Variants in CAMTA1 observed in about 807,000 individuals in gnomAD.
CAMTA1 encodes the protein calmodulin binding transcription activator 1, also known as calmodulin-binding transcription activator 1.
In CAMTA1, 27 loss-of-function variants were observed where a neutral mutation model predicts 170.9. The ratio of observed to expected loss-of-function variants is 0.16; its 90% confidence interval spans 0.12 to 0.22. The LOEUF is 0.22. Among genes scored for constraint, CAMTA1 ranks in the 10% least tolerant of loss-of-function variants. The pLI is 1.00. For missense variants in CAMTA1, 1,619 were observed against 2,217.2 expected, an observed-to-expected ratio of 0.73 and a Z score of 5.42; for synonymous variants, 833 against 891.5, an observed-to-expected ratio of 0.93 and a Z score of 1.17.
At chr1:7,452,270 G>GGT (rs2149466819) in intron 5 of CAMTA1, among the ~76,000 whole-genome samples, 1 of 152,328 alleles carries the variant, frequency 6.6e-6, no homozygotes, top group Non-Finnish European at 1.5e-5. Context: ...CTGCCAGGAG[G>GGT]GTGTGTGTGC....
At chr1:7,164,437 G>C (rs1026764706) in intron 4 of CAMTA1, among the ~76,000 whole-genome samples, 1 of 152,210 alleles carries the variant, frequency 6.6e-6, no homozygotes, top group Non-Finnish European at 1.5e-5. Context: ...GGGTTTGATG[G>C]GCAGGTGGCT....
At chr1:7,514,832 G>A (rs905188109) in intron 6 of CAMTA1, among the ~76,000 whole-genome samples, 3 of 152,092 alleles carry the variant, frequency 2.0e-5, no homozygotes, top group South Asian at 2.1e-4. Flanking sequence ...CAAGAGGCCC[G>A]CCCCCCACCA....
chr1:7,234,751 C>T lies in CAMTA1; in HGVS notation c.303-14740C>T, dbSNP rs1190268964. ...GACAATTTATGTGAACAAACTGTGG[C>T]TTAACGATCTTGGGAAATTGGAAAA... On this transcript the variant is annotated intron_variant, in intron 4 of 22. Transcript: ENST00000303635. This position sits in a 1 kb window ranked among gnomAD's most constrained non-coding sequence, Gnocchi z 5.0. 4.0e-5 allele frequency among the ~76,000 whole-genome samples: 6 copies of T among 150,546 alleles called. No individual in the cohort carries two copies. Among genetic ancestry groups the T allele is most frequent in the Non-Finnish European group, 7.4e-5 (5 of 67,838 alleles).
rs1200427049 is a variant in CAMTA1 at position 7,738,232 on chromosome 1, A to C, written c.3932A>C (p.Gln1311Pro). The change falls in exon 16 of 23, where the codon CAA (glutamine) becomes CCA (proline). Residue 1311 changes from glutamine (Q) to proline (P), a missense_variant. By Grantham distance (76) the Gln-to-Pro change is moderately conservative. Transcript: ENST00000303635. This position sits in a 1 kb window ranked among gnomAD's most constrained non-coding sequence, Gnocchi z 4.9. Reference sequence around the variant, plus strand: ...CCCACTCCAGAGACTGCAGCATTTCAAGCCTCTGGATCTCAGCCTGTAGGA... The same window carrying C: ...CCCACTCCAGAGACTGCAGCATTTCCAGCCTCTGGATCTCAGCCTGTAGGA... ...SPPTPETAAF[Q>P]ASGSQPVGKW... 6.2e-7 allele frequency: 1 copy of C among 1,614,014 alleles called. No homozygotes were observed. The highest frequency in any genetic ancestry group is 8.5e-7 in the Non-Finnish European group (1 of 1,180,026).
At chr1:7,037,605 C>T (rs945944830) in intron 3 of CAMTA1, among the ~76,000 whole-genome samples, 8 of 151,406 alleles carry the variant, frequency 5.3e-5, no homozygotes, top group African/African-American at 2.0e-4. Context: ...TTTGGAAGGC[C>T]GAGGCAGGCG....
At chr1:7,027,661 GA>G (rs1572536015) in intron 3 of CAMTA1, among the ~76,000 whole-genome samples, 2 of 152,152 alleles carry the variant, frequency 1.3e-5, no homozygotes, top group African/African-American at 4.8e-5. Flanking sequence ...CTGATACACA[GA>G]GGGGGAAAAT....
chr1:7,745,031 A>G lies in CAMTA1; in HGVS notation c.4370+9A>G, dbSNP rs2096847006. The G allele has an allele frequency of 6.2e-7, 1 of 1,606,732 alleles. No homozygotes were observed. The highest frequency in any genetic ancestry group is 1.3e-5 in the African/African-American group (1 of 74,810). The stretch of plus-strand genomic sequence containing the variant: ...AGTGCTGCCCAGATCCGGTGAGTAA[A>G]GTTACGGAGGTCACTACCCAGCATA... On this transcript the variant is annotated intron_variant, in intron 17 of 22. Transcript: ENST00000303635.
chr1:6,785,625 A>G, intron 1 of CAMTA1, 50 bp downstream of exon 1: 1 of 954,008 alleles, frequency 1.0e-6, no homozygotes, highest in Non-Finnish European at 1.2e-6. Flanking sequence ...GGGCGGCGGG[A>G]CCCGGCCCCG....
chr1:7,346,732 C>G (rs1213503877), intron 5 of CAMTA1, among the ~76,000 whole-genome samples: 2 of 152,220 alleles, frequency 1.3e-5, no homozygotes, highest in Non-Finnish European at 2.9e-5. Context: ...GGAGGCGGCC[C>G]TCTCAGTGCT....
chr1:6,997,644 T>G (rs998401640), intron 3 of CAMTA1, among the ~76,000 whole-genome samples: 3 of 139,796 alleles, frequency 2.1e-5, no homozygotes, highest in Non-Finnish European at 4.7e-5. Context: ...TTTTCCATAT[T>G]TCCTTTCTTT....
rs868018905 is a variant in CAMTA1, at chr1:7,044,164, C to T, written c.235-47140C>T. Among the ~76,000 whole-genome samples, 8 of 152,246 alleles carry T rather than the reference C, an allele frequency of 5.3e-5. No individual in the cohort carries two copies. The highest frequency in any genetic ancestry group is 7.3e-5 in the Non-Finnish European group (5 of 68,044). On this transcript the variant is annotated intron_variant, in intron 3 of 22. Transcript: ENST00000303635. The surrounding 1 kb of genome is among the most constrained non-coding windows in gnomAD (Gnocchi z 5.0). ...CACGTGGGTGTCACATATGCACACA[C>T]ATGCATGCACAGCGCATGGCTGGGG...
At chr1:6,952,955 G>A (rs1391539595) in intron 3 of CAMTA1, among the ~76,000 whole-genome samples, 2 of 152,178 alleles carry the variant, frequency 1.3e-5, no homozygotes, top group African/African-American at 4.8e-5. Flanking sequence ...AGGCCACCGT[G>A]GTGGACACTG....
At chr1:7,429,136 G>C (rs1186938769) in intron 5 of CAMTA1, among the ~76,000 whole-genome samples, 1 of 152,054 alleles carries the variant, frequency 6.6e-6, no homozygotes, top group African/African-American at 2.4e-5. Context: ...GTTGCGATTA[G>C]AGCCCCACCA....
chr1:7,751,547 A>G (rs2096897492), intron 20 of CAMTA1, among the ~76,000 whole-genome samples, 155 bp downstream of exon 20: 1 of 152,170 alleles, frequency 6.6e-6, no homozygotes, highest in Non-Finnish European at 1.5e-5. Flanking sequence ...GGTGGCTGAT[A>G]AGTACACCTG....
intron 6 of CAMTA1, among the ~76,000 whole-genome samples, chr1:7,556,857 G>T (rs1397550069): frequency 1.3e-5 from 2 of 152,146 alleles, no homozygotes; most frequent in Non-Finnish European, 2.9e-5. Context: ...ATTCAGTGGG[G>T]CATGCTGGGC....
At chr1:6,994,491 G>A (rs1197564087) in intron 3 of CAMTA1, among the ~76,000 whole-genome samples, 6 of 152,154 alleles carry the variant, frequency 3.9e-5, no homozygotes, top group African/African-American at 1.4e-4. Context: ...TAAAGGTGCT[G>A]TTCTCTTCCT....
chr1:7,367,274 TAAAGA>T (rs1462450388), intron 5 of CAMTA1, among the ~76,000 whole-genome samples: 1 of 152,176 alleles, frequency 6.6e-6, no homozygotes, highest in Non-Finnish European at 1.5e-5. Context: ...CAATTTGCTG[TAAAGA>T]ACAGAGCCCC....
rs187987821 is a variant in CAMTA1 at position 7,014,034 on chromosome 1, A to G, written c.235-77270A>G. Among the ~76,000 whole-genome samples the G allele has an allele frequency of 6.6e-6, 1 of 152,330 alleles. No individual in the cohort carries two copies. The highest frequency in any genetic ancestry group is 2.4e-5 in the African/African-American group (1 of 41,574). On this transcript the variant is annotated intron_variant, in intron 3 of 22. Coordinates refer to ENST00000303635, the MANE Select transcript of CAMTA1 (RefSeq NM_015215.4). This position sits in a 1 kb window ranked among gnomAD's most constrained non-coding sequence, Gnocchi z 4.2. ...TGCTTGTCCTAAAAATACAGTTCTTAAAATAGACCAGTCCATGTGGGAGAT... is the reference window on the plus strand; with the variant it reads ...TGCTTGTCCTAAAAATACAGTTCTTGAAATAGACCAGTCCATGTGGGAGAT...
chr1:7,672,166 C>A (rs2096066104), intron 10 of CAMTA1: 1 of 425,882 alleles, frequency 2.3e-6, no homozygotes, highest in Non-Finnish European at 4.7e-6. Flanking sequence ...CGTCAGGGAG[C>A]CTAGAAAGGA....
Sources: gnomAD v4.1 joint callset for allele counts (sites outside exome capture counted in the v4.1 genomes callset) on GRCh38, gnomAD v4.1.1 for gene constraint, Gnocchi (gnomAD v3.1) non-coding constraint, MANE v1.5 for transcripts, NCBI Gene and HGNC (gene_info 2026-07-23, HGNC 2026-07-21) for gene names.